Variants in TMEM267 observed in about 807,000 individuals in gnomAD.
The protein encoded by TMEM267 is transmembrane protein C5orf28.
In TMEM267, 20 loss-of-function variants were observed where a neutral mutation model predicts 19.3. The observed-to-expected ratio is 1.04, with a 90% CI of 0.73 to 1.51. The LOEUF (loss-of-function observed/expected upper bound fraction) is 1.51. Ranked by LOEUF, TMEM267 falls within the 40% of genes most tolerant of loss-of-function variation. TMEM267 has a pLI of 0.00. For synonymous variants in TMEM267, 88 were observed against 90.3 expected (o/e 0.97, Z 0.15); for missense variants, 242 against 261.9 (o/e 0.92, Z 0.52).
chr5:43,458,671 A>AT (rs1475645113), intron 1 of TMEM267, among the ~76,000 whole-genome samples: 1 of 152,208 alleles, frequency 6.6e-6, no homozygotes, highest in Non-Finnish European at 1.5e-5. Flanking sequence ...AGTTAATTAC[A>AT]TGTCAATTAT....
At position 43,446,339 on chromosome 5, in the gene TMEM267, T is replaced by A; in HGVS notation, c.531A>T (p.Pro177=). 1 of 1,614,012 alleles carries A rather than the reference T, an allele frequency of 6.2e-7. No homozygotes were observed. The highest frequency in any genetic ancestry group is 8.5e-7 in the Non-Finnish European group (1 of 1,179,870). Residue 177 remains proline, a synonymous_variant, in exon 3 of 3, where the codon CCA becomes CCT. Coordinates refer to ENST00000397080, the MANE Select transcript of TMEM267 (RefSeq NM_022483.5). ...ICPFGKTSPL[P]FWLYVIITSS... is the part of the protein sequence containing the mutation. ...ATGTGATTATTACATAAAGCCAGAA[T>A]GGCAAAGGAGAAGTTTTTCCAAATG...
intron 1 of TMEM267, among the ~76,000 whole-genome samples, chr5:43,459,166 TAA>T (rs1198076294): frequency 6.6e-6 from 1 of 152,178 alleles, no homozygotes; most frequent in Non-Finnish European, 1.5e-5. Context: ...CTGTGAATTT[TAA>T]AAGTTTTGCC....
At chr5:43,483,789 C>G (rs1245408850) in intron 1 of TMEM267, 33 bp downstream of exon 1, 1 of 152,682 alleles carries the variant, frequency 6.5e-6, no homozygotes, top group East Asian at 1.9e-4. Context: ...GCCCCCTCCC[C>G]TCAGTCCCAC....
chr5:43,469,047 C>T (rs1743916141), intron 1 of TMEM267, among the ~76,000 whole-genome samples: 1 of 152,040 alleles, frequency 6.6e-6, no homozygotes, highest in Non-Finnish European at 1.5e-5. Flanking sequence ...CATAATATAT[C>T]AAAACCTAAG....
intron 1 of TMEM267, among the ~76,000 whole-genome samples, chr5:43,475,826 C>T (rs1486358883): frequency 6.6e-6 from 1 of 152,094 alleles, no homozygotes; most frequent in Admixed American, 6.5e-5. Context: ...ACAACAGCAA[C>T]TCAAAATGCC....
chr5:43,457,433 G>A (rs1322650116), intron 1 of TMEM267, among the ~76,000 whole-genome samples: 2 of 152,176 alleles, frequency 1.3e-5, no homozygotes, highest in African/African-American at 2.4e-5. Flanking sequence ...TCTGCAGGCT[G>A]TACAGGAAGC....
At chr5:43,481,735 G>A (rs1439064649) in intron 1 of TMEM267, among the ~76,000 whole-genome samples, 1 of 152,210 alleles carries the variant, frequency 6.6e-6, no homozygotes, top group African/African-American at 2.4e-5. Flanking sequence ...TCAGATGTCC[G>A]CAGCCACTGC....
chr5:43,483,074 T>A (rs1744890019), intron 1 of TMEM267, among the ~76,000 whole-genome samples: 1 of 152,250 alleles, frequency 6.6e-6, no homozygotes, highest in Admixed American at 6.5e-5. Context: ...CACTGAACTG[T>A]AGTTGCTGTA....
intron 1 of TMEM267, among the ~76,000 whole-genome samples, chr5:43,468,731 G>A (rs1439537847): frequency 2.0e-5 from 3 of 152,118 alleles, no homozygotes; most frequent in Admixed American, 6.5e-5. Context: ...AGACCAAATC[G>A]ATCTAATAAA....
chr5:43,477,728 G>T (rs1744513822), intron 1 of TMEM267, among the ~76,000 whole-genome samples: 1 of 152,144 alleles, frequency 6.6e-6, no homozygotes, highest in Admixed American at 6.5e-5. Flanking sequence ...TGCCTTGTCT[G>T]CTGCTGCTAT....
chr5:43,468,435 C>T (rs576456697), intron 1 of TMEM267, among the ~76,000 whole-genome samples: 1 of 152,160 alleles, frequency 6.6e-6, no homozygotes, highest in Non-Finnish European at 1.5e-5. Context: ...GTTCTCTTAG[C>T]TAAGGGAGAG....
chr5:43,465,812 G>C (rs935595977), intron 1 of TMEM267, among the ~76,000 whole-genome samples: 1 of 152,122 alleles, frequency 6.6e-6, no homozygotes, highest in Non-Finnish European at 1.5e-5. Flanking sequence ...TGTGGGGTGG[G>C]GGAAGTGGGG....
intron 1 of TMEM267, among the ~76,000 whole-genome samples, chr5:43,471,590 C>G (rs1181260189): frequency 1.3e-5 from 2 of 152,014 alleles, no homozygotes; most frequent in East Asian, 3.8e-4. Flanking sequence ...GACATAAAAA[C>G]AGACACATCA....
At chr5:43,448,653 G>A (rs1742395633) in intron 2 of TMEM267, among the ~76,000 whole-genome samples, 1 of 152,024 alleles carries the variant, frequency 6.6e-6, no homozygotes, top group Non-Finnish European at 1.5e-5. Flanking sequence ...GTGCATGCCT[G>A]TAATCCCAGC....
chr5:43,481,050 C>T (rs1488853924), intron 1 of TMEM267, among the ~76,000 whole-genome samples: 28 of 150,398 alleles, frequency 1.9e-4, no homozygotes, highest in Non-Finnish European at 3.3e-4. Context: ...GTGATCCGCC[C>T]GCCTCGGCCT....
At position 43,467,293 on chromosome 5, in the gene TMEM267, G is replaced by A. The variant is rs544085701; in HGVS notation, c.-74-13250C>T. Among the ~76,000 whole-genome samples the A allele has an allele frequency of 2.6e-5, 4 of 152,076 alleles. No individual in the cohort carries two copies. The South Asian group carries it at 8.3e-4, about 32-fold the overall frequency. ...ATTCTCTAATCAAAAGCCATAGACT[G>A]GCTGAATGTATGAAAAACCAAGACC... On this transcript the variant is annotated intron_variant, in intron 1 of 2. Transcript: ENST00000397080.
intron 2 of TMEM267, among the ~76,000 whole-genome samples, chr5:43,453,101 T>C (rs1015434704): frequency 6.6e-6 from 1 of 152,234 alleles, no homozygotes; most frequent in Non-Finnish European, 1.5e-5. Flanking sequence ...CAAGGGACTG[T>C]GTTCTAGCCA....
Position 43,450,639 on chromosome 5 carries a change from C to T in TMEM267, c.312+3019G>A, listed in dbSNP as rs928101217. 2.6e-5 allele frequency among the ~76,000 whole-genome samples: 4 copies of T among 152,270 alleles called. No homozygotes were observed. In the South Asian group the frequency reaches 8.3e-4, roughly 32 times the overall value. ...TGAGTGGCACAGCTGGGATTTGACC[C>T]TGGGTCTAACTCTATAGTTCATATT... On this transcript the variant is annotated intron_variant, in intron 2 of 2. Coordinates refer to ENST00000397080, the MANE Select transcript of TMEM267 (RefSeq NM_022483.5).
At chr5:43,460,136 G>A (rs1443086858) in intron 1 of TMEM267, among the ~76,000 whole-genome samples, 6 of 152,142 alleles carry the variant, frequency 3.9e-5, no homozygotes, top group East Asian at 1.9e-4. Flanking sequence ...AGAAGCTAAC[G>A]CTGCCACTGA....
Sources: gnomAD v4.1 joint callset for allele counts (sites outside exome capture counted in the v4.1 genomes callset) on GRCh38, gnomAD v4.1.1 for gene constraint, MANE v1.5 for transcripts, NCBI Gene and HGNC (gene_info 2026-07-23, HGNC 2026-07-21) for gene names.